Variants in ACTR3C observed in about 807,000 individuals in gnomAD.
ACTR3C encodes actin related protein 3C, also known as actin-related protein 3C.
In ACTR3C, 18 loss-of-function variants were observed where a neutral mutation model predicts 26.3. The observed-to-expected ratio is 0.68, with a 90% CI of 0.47 to 1.01. The LOEUF is 1.01. Among genes scored for constraint, ACTR3C ranks in the 50% least tolerant of loss-of-function variants. ACTR3C has a pLI of 0.00. For missense variants in ACTR3C, 184 were observed against 250.7 expected, an observed-to-expected ratio of 0.73 and a Z score of 1.80; for synonymous variants, 55 against 94.5, an observed-to-expected ratio of 0.58 and a Z score of 2.42.
chr7:150,219,104 A>G, the ACTR3C span, among the ~76,000 whole-genome samples: 11,310 of 143,356 alleles, frequency 0.079, 1,168 homozygotes, highest in African/African-American at 0.25. Context: ...AACTCAAACA[A>G]AACAAGAATT....
intron 1 of ACTR3C, among the ~76,000 whole-genome samples, chr7:150,319,205 CTTT>C (rs199647156): frequency 1.3e-4 from 18 of 140,704 alleles, no homozygotes; most frequent in Admixed American, 2.8e-4. Context: ...ATTGCTTCTT[CTTT>C]TTTTTTTTTT....
the ACTR3C span, chr7:150,044,999 C>T: frequency 2.0e-5 from 3 of 152,142 alleles, no homozygotes; most frequent in Non-Finnish European, 4.4e-5. Flanking sequence ...AGCCGCGCTC[C>T]CAGCTGCTTG....
chr7:150,080,529 G>GTGTGTGTGTGTGTGTGTGTGTA, the ACTR3C span, among the ~76,000 whole-genome samples: 1 of 29,628 alleles, frequency 3.4e-5, no homozygotes, highest in African/African-American at 1.2e-4. Context: ...GTGTGTGTAT[G>GTGTGTGTGTGTGTGTGTGTGTA]TGTGTGTGTG....
the ACTR3C span, among the ~76,000 whole-genome samples, chr7:150,095,463 G>A: frequency 1.3e-5 from 2 of 150,690 alleles, no homozygotes; most frequent in Admixed American, 6.6e-5. Context: ...CTTGGGGTAG[G>A]AACTGTGATG....
At chr7:150,106,384 C>T in the ACTR3C span, among the ~76,000 whole-genome samples, 1 of 72,960 alleles carries the variant, frequency 1.4e-5, no homozygotes, top group Admixed American at 1.3e-4. Context: ...GGCACCATGG[C>T]TAGGCAGAGA....
the ACTR3C span, among the ~76,000 whole-genome samples, chr7:150,214,388 G>A: frequency 1.3e-5 from 2 of 152,022 alleles, no homozygotes; most frequent in Admixed American, 6.5e-5. Flanking sequence ...AAATTATGGA[G>A]AAAGAACTAA....
the ACTR3C span, among the ~76,000 whole-genome samples, chr7:150,036,866 G>A: frequency 6.2e-5 from 8 of 129,256 alleles, no homozygotes; most frequent in East Asian, 2.0e-4. Flanking sequence ...CTAAGCCAGG[G>A]GGGGATGAGG....
the ACTR3C span, among the ~76,000 whole-genome samples, chr7:149,894,324 CAT>C: frequency 2.8e-4 from 43 of 152,252 alleles, no homozygotes; most frequent in African/African-American, 1.0e-3. Flanking sequence ...TGCTTTATGA[CAT>C]TGGTCTGGGC....
the ACTR3C span, among the ~76,000 whole-genome samples, chr7:150,204,545 C>T: frequency 2.3e-3 from 344 of 152,052 alleles, 1 homozygote; most frequent in Non-Finnish European, 4.2e-3. Flanking sequence ...AGAAAAAGTG[C>T]GGCTTTGTGT....
At chr7:150,037,851 CCG>C in the ACTR3C span, among the ~76,000 whole-genome samples, 1 of 98,114 alleles carries the variant, frequency 1.0e-5, no homozygotes, top group African/African-American at 3.9e-5. Context: ...GAGGGTGCCT[CCG>C]CCCCCAGCGA....
chr7:150,244,625 C>T (rs1170078330), downstream of ACTR3C: 2 of 152,292 alleles, frequency 1.3e-5, no homozygotes, highest in East Asian at 3.9e-4. Flanking sequence ...GAGCCTTTTC[C>T]ACACCTCAGC....
chr7:150,315,306 T>C, intron 1 of ACTR3C, among the ~76,000 whole-genome samples: 1 of 152,046 alleles, frequency 6.6e-6, no homozygotes, highest in Non-Finnish European at 1.5e-5. Flanking sequence ...TGCTAAAACA[T>C]GATTAAGGTG....
the ACTR3C span, among the ~76,000 whole-genome samples, chr7:150,084,709 G>C: frequency 2.0e-5 from 3 of 152,200 alleles, no homozygotes; most frequent in East Asian, 3.9e-4. Context: ...CACACCATTG[G>C]AGGTCAGTAA....
chr7:150,041,781 CTG>C, the ACTR3C span, among the ~76,000 whole-genome samples: 3 of 129,628 alleles, frequency 2.3e-5, no homozygotes, highest in African/African-American at 6.1e-5. Flanking sequence ...CTCTCAGTCC[CTG>C]CCTCGCGGGG....
At chr7:149,929,820 C>G in the ACTR3C span, among the ~76,000 whole-genome samples, 3 of 152,074 alleles carry the variant, frequency 2.0e-5, no homozygotes, top group Non-Finnish European at 4.4e-5. Flanking sequence ...CATGAGCCAC[C>G]GCGCCCAGCC....
At chr7:150,302,270 C>T (rs1174676709) in intron 1 of ACTR3C, among the ~76,000 whole-genome samples, 1 of 152,154 alleles carries the variant, frequency 6.6e-6, no homozygotes, top group Non-Finnish European at 1.5e-5. Context: ...GACAAGAGTA[C>T]AAAGAAAGCA....
At chr7:150,101,758 T>C in the ACTR3C span, among the ~76,000 whole-genome samples, 1 of 151,760 alleles carries the variant, frequency 6.6e-6, no homozygotes, top group Non-Finnish European at 1.5e-5. Context: ...GAACAAAAGA[T>C]GATGTGTGTT....
At chr7:150,249,256 A>G (rs1321296059) in intron 6 of ACTR3C, among the ~76,000 whole-genome samples, 4 of 152,178 alleles carry the variant, frequency 2.6e-5, no homozygotes, top group African/African-American at 9.7e-5. Flanking sequence ...CCAGAAATGA[A>G]TGAAGTGCTT....
chr7:150,260,052 T>G (rs1375982480), intron 6 of ACTR3C, among the ~76,000 whole-genome samples: 1 of 152,252 alleles, frequency 6.6e-6, no homozygotes, highest in East Asian at 1.9e-4. Context: ...CTCCAGTGCC[T>G]GTTTTTGCAA....
Sources: allele counts gnomAD v4.1 joint callset (sites outside exome capture counted in the v4.1 genomes callset), GRCh38; gene constraint gnomAD v4.1.1; transcripts MANE v1.5; gene names NCBI Gene and HGNC (gene_info 2026-07-23, HGNC 2026-07-21).